CBARP: variants seen among roughly 807,000 people sequenced by gnomAD.
CBARP encodes the protein voltage-dependent calcium channel beta subunit-associated regulatory protein.
A neutral mutation model predicts 36.3 loss-of-function variants in CBARP; 24 were observed. That is an observed-to-expected ratio of 0.66 (90% CI 0.48 to 0.93). The LOEUF (loss-of-function observed/expected upper bound fraction) is 0.93, where lower values mean the gene tolerates loss of function less well. Among genes scored for constraint, CBARP ranks in the 40% least tolerant of loss-of-function variants. The probability of loss-of-function intolerance (pLI) is 0.00; values close to 1 mark genes in which losing one functional copy is unlikely to be tolerated. For missense variants in CBARP, 1,146 were observed against 980.4 expected (o/e 1.17, Z -2.26); for synonymous variants, 586 against 453.2 (o/e 1.29, Z -3.72).
chr19:1,233,368 CCTGGCAGCCA>C lies in CBARP; in HGVS notation c.979+48_979+57del, dbSNP rs1349320846. On this transcript the variant is annotated intron_variant, in intron 8 of 9. Coordinates refer to ENST00000650044, the MANE Select transcript of CBARP (RefSeq NM_001393918.1). ...CTGCTCCTGGATGTCCAGGGCAGCC[CCTGGCAGCCA>C]GCACCCAGCCCACAGGGGCCCACTC... 7 of 1,473,126 alleles carry C rather than the reference CCTGGCAGCCA, an allele frequency of 4.8e-6. No homozygotes were observed. In the Admixed American group the frequency reaches 1.0e-4, roughly 22 times the overall value. 91.3% of individuals were successfully genotyped at this position (1,473,126 alleles called of 1,614,324 possible).
chr19:1,229,382 C>A lies in CBARP; in HGVS notation c.1915G>T (p.Ala639Ser). The part of the protein sequence containing the change: ...RTLGGAGDDP[A>S]IPVIEEEPGG... Reference sequence around the variant, plus strand: ...GGCTCCTCCTCGATGACGGGGATGGCGGGGTCGTCGCCGGCGCCGCCCAGG... The same window carrying A: ...GGCTCCTCCTCGATGACGGGGATGGAGGGGTCGTCGCCGGCGCCGCCCAGG... Residue 639 changes from alanine to serine, a missense_variant, in exon 10 of 10, where the codon GCC becomes TCC. Ala to Ser is a moderately conservative substitution (Grantham distance 99). Coordinates refer to ENST00000650044, the MANE Select transcript of CBARP (RefSeq NM_001393918.1). This position sits in a 1 kb window ranked among gnomAD's most constrained non-coding sequence, Gnocchi z 5.1. 1 of 1,138,688 alleles carries A rather than the reference C, an allele frequency of 8.8e-7. No individual in the cohort carries two copies. Among genetic ancestry groups the A allele is most frequent in the Non-Finnish European group, 1.1e-6 (1 of 912,328 alleles). The allele number at this position is 1,138,688 out of a possible 1,614,324, so 70.5% of individuals were successfully genotyped here.
At position 1,229,071 on chromosome 19, in the gene CBARP, G is replaced by A. The variant is rs2145442045; in HGVS notation, c.*108C>T. The A allele has an allele frequency of 3.5e-6, 1 of 283,456 alleles. No individual in the cohort carries two copies. Among genetic ancestry groups the A allele is most frequent in the South Asian group, 1.1e-4 (1 of 9,200 alleles). The allele number at this position is 283,456 out of a possible 1,614,324, so 17.6% of individuals were successfully genotyped here. On this transcript the variant is annotated 3_prime_UTR_variant, in exon 10 of 10. Transcript: ENST00000650044. The surrounding 1 kb of genome is among the most constrained non-coding windows in gnomAD (Gnocchi z 5.1). ...CCGGCGCGTGCGCGAAGGGCCCGCG[G>A]TCCCCGCGCATTCGCGTCGGGGCGT...
chr19:1,230,982 A>T, intron 9 of CBARP, 119 bp downstream of exon 9: 1 of 1,554,888 alleles, frequency 6.4e-7, no homozygotes, highest in Middle Eastern at 1.7e-4. Context: ...TTGCCGCTGG[A>T]GGCAGGCGAG....
chr19:1,236,427 C>T (rs992059440), intron 1 of CBARP, among the ~76,000 whole-genome samples: 25 of 152,178 alleles, frequency 1.6e-4, no homozygotes, highest in Admixed American at 9.8e-4. Flanking sequence ...TAGCGCCAGG[C>T]CCTGGAGCTC....
Position 1,230,134 on chromosome 19 carries a change from G to T in CBARP, c.1163C>A (p.Ala388Glu). 3 of 1,026,666 alleles carry T rather than the reference G, an allele frequency of 2.9e-6. No homozygotes were observed. Among genetic ancestry groups the T allele is most frequent in the Non-Finnish European group, 3.5e-6 (3 of 853,696 alleles). The allele number at this position is 1,026,666 out of a possible 1,614,324, so 63.6% of individuals were successfully genotyped here. The change falls in exon 10 of 10, where the codon GCG becomes GAG. Residue 388 changes from alanine (A) to glutamate (E), a missense_variant. Physicochemically the swap from Ala to Glu is moderately radical, Grantham distance 107. Transcript: ENST00000650044. ...GCTCGCTCCTCCCGCTGCCTCGGCC[G>T]CCTCTAGCCTGCAAGCCAGGCCGCG... ...SPPPALGRLE[A>E]AEAAGGASPD...
chr19:1,236,122 C>G lies in CBARP; in HGVS notation c.-21-1G>C. On this transcript the variant is annotated splice_acceptor_variant, in intron 1 of 9. Coordinates refer to ENST00000650044, the MANE Select transcript of CBARP (RefSeq NM_001393918.1). LOFTEE classifies it low-confidence loss of function (5UTR_SPLICE). ...GCATTCTGAACTGGGGAGGAGGGCC[C>G]TGTGGGGAGGAAGCCTGGTCAGCTC... The G allele has an allele frequency of 7.0e-7, 1 of 1,422,270 alleles. No homozygotes were observed. Among genetic ancestry groups the G allele is most frequent in the South Asian group, 1.5e-5 (1 of 66,444 alleles). The allele number at this position is 1,422,270 out of a possible 1,614,324, so 88.1% of individuals were successfully genotyped here.
chr19:1,235,460 A>G, intron 4 of CBARP, 41 bp downstream of exon 4: 1 of 1,531,606 alleles, frequency 6.5e-7, no homozygotes, highest in Non-Finnish European at 8.8e-7. Flanking sequence ...CGAGGGGCGG[A>G]TGGACAGGCG....
Position 1,231,207 on chromosome 19 carries a change from C to A in CBARP, c.1048G>T (p.Asp350Tyr), listed in dbSNP as rs1320125372. The change falls in exon 9 of 10, where the codon GAT becomes TAT. Residue 350 changes from aspartate (D) to tyrosine (Y), a missense_variant. Transcript: ENST00000650044. ...TGGATGAAGTCCTCCTGGGGGGCAT[C>A]CCCCTCCTCCTGCTCCGTGCTCTCA... ...ASESTEQEEGDAPQEDFIQYI... is the reference protein window; with the variant it reads ...ASESTEQEEGYAPQEDFIQYI... 3.1e-6 allele frequency: 5 copies of A among 1,603,472 alleles called. No homozygotes were observed. The highest frequency in any genetic ancestry group is 4.2e-6 in the Non-Finnish European group (5 of 1,179,258).
In CBARP at chr19:1,229,751, C is replaced by A; in HGVS notation, c.1546G>T (p.Asp516Tyr). Residue 516 changes from aspartate (D) to tyrosine (Y), a missense_variant, in exon 10 of 10, where the codon GAC becomes TAC. Transcript: ENST00000650044. This position sits in a 1 kb window ranked among gnomAD's most constrained non-coding sequence, Gnocchi z 5.1. ...ASIEGRGAGD[D>Y]TEPPAAPARP... The stretch of plus-strand genomic sequence containing the variant: ...GCGGGCGCGGCAGGTGGCTCGGTGT[C>A]GTCGCCTGCGCCGCGGCCCTCGATG... The A allele has an allele frequency of 1.0e-6, 1 of 999,330 alleles. No homozygotes were observed. The highest frequency in any genetic ancestry group is 3.6e-5 in the South Asian group (1 of 27,944). 61.9% of individuals were successfully genotyped at this position (999,330 alleles called of 1,614,324 possible).
intron 3 of CBARP, 66 bp downstream of exon 3, chr19:1,235,713 C>A: frequency 1.9e-6 from 3 of 1,602,286 alleles, no homozygotes; most frequent in Admixed American, 1.7e-5. Flanking sequence ...GTGAGGTAGA[C>A]CCCCCACCAC....
chr19:1,231,046 AG>A, intron 9 of CBARP, 54 bp downstream of exon 9: 3 of 1,557,982 alleles, frequency 1.9e-6, no homozygotes, highest in Non-Finnish European at 1.7e-6. Flanking sequence ...GGGGGGGCGA[AG>A]GGGGGCAAGG....
rs1469524232 is a variant in CBARP, at chr19:1,229,345, C to T, written c.1952G>A (p.Gly651Glu). The T allele has an allele frequency of 8.3e-7, 1 of 1,202,494 alleles. No individual in the cohort carries two copies. Among genetic ancestry groups the T allele is most frequent in the South Asian group, 1.4e-5 (1 of 71,862 alleles). The allele number at this position is 1,202,494 out of a possible 1,614,324, so 74.5% of individuals were successfully genotyped here. A position where few individuals can be genotyped will look rare whatever the true frequency, so the allele number is the denominator to read the frequency against. Reference sequence around the variant, plus strand: ...GACGCACAGGCCCGAGCCGGGGCACCCCCCGCCGCCCGGCTCCTCCTCGAT... The same window carrying T: ...GACGCACAGGCCCGAGCCGGGGCACTCCCCGCCGCCCGGCTCCTCCTCGAT... ...PVIEEEPGGG[G>E]CPGSGLCVLP... Residue 651 changes from glycine (G) to glutamate (E), a missense_variant, in exon 10 of 10, where the codon GGG becomes GAG. Gly to Glu is a moderately conservative substitution (Grantham distance 98). Coordinates refer to ENST00000650044, the MANE Select transcript of CBARP (RefSeq NM_001393918.1). The surrounding 1 kb of genome is among the most constrained non-coding windows in gnomAD (Gnocchi z 5.1).
chr19:1,233,750 A>G lies in CBARP; in HGVS notation c.769-114T>C. The G allele has an allele frequency of 6.7e-6, 7 of 1,040,412 alleles. No homozygotes were observed. In the South Asian group the frequency reaches 1.2e-4, roughly 17 times the overall value. The allele number at this position is 1,040,412 out of a possible 1,614,324, so 64.4% of individuals were successfully genotyped here. A position where few individuals can be genotyped will look rare whatever the true frequency, so the allele number is the denominator to read the frequency against. ...CCCAAGGGCCCCCCATCACTGGGACAGAGAGGGGTACCTGCTCGGAGAGGG... is the reference window on the plus strand; with the variant it reads ...CCCAAGGGCCCCCCATCACTGGGACGGAGAGGGGTACCTGCTCGGAGAGGG... On this transcript the variant is annotated intron_variant, in intron 7 of 9. Transcript: ENST00000650044.
chr19:1,231,424 C>T (rs2080891258), intron 8 of CBARP, 149 bp from the exon 9 acceptor site: 3 of 1,199,848 alleles, frequency 2.5e-6, no homozygotes, highest in Admixed American at 5.5e-5. Context: ...ACCACACACA[C>T]ACAACGTGTG....
intron 8 of CBARP, 134 bp from the exon 9 acceptor site, chr19:1,231,409 C>A: frequency 7.5e-7 from 1 of 1,328,690 alleles, no homozygotes; most frequent in Admixed American, 2.6e-5. Flanking sequence ...CGCCTGTGGA[C>A]CCCCACCACA....
Position 1,230,084 on chromosome 19 carries a change from C to T in CBARP, c.1213G>A (p.Ala405Thr). The change falls in exon 10 of 10, where the codon GCG (alanine) becomes ACG (threonine). Residue 405 changes from alanine to threonine, a missense_variant. Ala to Thr is a moderately conservative substitution (Grantham distance 58, BLOSUM62 0). Coordinates refer to ENST00000650044, the MANE Select transcript of CBARP (RefSeq NM_001393918.1). Reference protein sequence around the residue: ...ASPDSPPERGAGSAGPEQQQP... With the variant: ...ASPDSPPERGTGSAGPEQQQP... ...TGCTGCTCAGGCCCCGCGCTGCCCG[C>T]GCCGCGCTCCGGGGGGGAATCGGGG... The T allele has an allele frequency of 9.1e-7, 1 of 1,101,530 alleles. No homozygotes were observed. The highest frequency in any genetic ancestry group is 1.1e-6 in the Non-Finnish European group (1 of 897,126). The allele number at this position is 1,101,530 out of a possible 1,614,324, so 68.2% of individuals were successfully genotyped here. A position where few individuals can be genotyped will look rare whatever the true frequency, so the allele number is the denominator to read the frequency against.
intron 9 of CBARP, 55 bp downstream of exon 9, chr19:1,231,046 A>G: frequency 6.4e-7 from 1 of 1,557,992 alleles, no homozygotes; most frequent in Non-Finnish European, 8.7e-7. Context: ...GGGGGGGCGA[A>G]GGGGGGCAAG....
chr19:1,232,034 G>C (rs745541977), intron 8 of CBARP, among the ~76,000 whole-genome samples: 4 of 152,066 alleles, frequency 2.6e-5, no homozygotes, highest in Non-Finnish European at 5.9e-5. Flanking sequence ...AGGAGAGGGA[G>C]AGAGGTGCCC....
At chr19:1,234,087 G>A in intron 7 of CBARP, 104 bp downstream of exon 7, 1 of 1,328,312 alleles carries the variant, frequency 7.5e-7, no homozygotes, top group Non-Finnish European at 9.8e-7. Flanking sequence ...GAGGGCTGCG[G>A]TGGCTGGCAG....
Sources: gnomAD v4.1 joint callset for allele counts (sites outside exome capture counted in the v4.1 genomes callset) on GRCh38, gnomAD v4.1.1 for gene constraint, Gnocchi (gnomAD v3.1) non-coding constraint, MANE v1.5 for transcripts, NCBI Gene and HGNC (gene_info 2026-07-23, HGNC 2026-07-21) for gene names.